The following COL6A3 variants were observed in gnomAD, a reference collection of about 807,000 sequenced individuals.
COL6A3 encodes collagen alpha-3(VI) chain.
Under a neutral mutation model 274.1 loss-of-function variants are expected in COL6A3, and 137 were observed. The observed-to-expected ratio is 0.50, with a 90% CI of 0.44 to 0.58. COL6A3 has a LOEUF of 0.58. Ranked by LOEUF, COL6A3 falls within the 20% of genes least tolerant of loss-of-function variation. The probability of loss-of-function intolerance (pLI) is 0.00; values close to 1 mark genes in which losing one functional copy is unlikely to be tolerated. For missense variants in COL6A3, 3,950 were observed against 4,124.9 expected, an observed-to-expected ratio of 0.96 and a Z score of 1.16; for synonymous variants, 1,650 against 1,650.6, an observed-to-expected ratio of 1.00 and a Z score of 0.01.
intron 39 of COL6A3, among the ~76,000 whole-genome samples, chr2:237,338,745 G>A (rs1700675885): frequency 6.6e-6 from 1 of 152,216 alleles, no homozygotes; most frequent in Non-Finnish European, 1.5e-5. Context: ...TCCAGCCTGG[G>A]CAACACAGCA....
chr2:237,326,725 C>T (rs935144056), intron 42 of COL6A3: 1 of 152,234 alleles, frequency 6.6e-6, no homozygotes, highest in Non-Finnish European at 1.5e-5. Flanking sequence ...AGAGATGCTT[C>T]TCCATCTCCT....
chr2:237,325,776 G>A lies in COL6A3; in HGVS notation c.9329-52C>T, dbSNP rs150574278. 8.9e-5 allele frequency: 135 copies of A among 1,517,836 alleles called. 1 individual carries two copies. In the East Asian group the frequency reaches 2.6e-3, roughly 29 times the overall value. The allele number at this position is 1,517,836 out of a possible 1,614,324, so 94.0% of individuals were successfully genotyped here. A position where few individuals can be genotyped will look rare whatever the true frequency, so the allele number is the denominator to read the frequency against. ...ATTAATGAGAACATGCGTGTTACTC[G>A]GCTCCCAGTGCTGGGGCTGACAGTC... On this transcript the variant is annotated intron_variant, in intron 42 of 43. Coordinates refer to ENST00000295550, the MANE Select transcript of COL6A3 (RefSeq NM_004369.4).
At position 237,347,797 on chromosome 2, in the gene COL6A3, G is replaced by A. The variant is rs376525317; in HGVS notation, c.7029+10C>T. 1.4e-4 allele frequency: 230 copies of A among 1,607,732 alleles called. 1 individual carries two copies. The highest frequency in any genetic ancestry group is 9.0e-4 in the South Asian group (81 of 89,506). Reference sequence around the variant, plus strand: ...TTCCTCACCTGCAGCCAAGGCCCACGCAAACTTACCCTTCGGCCTCTGATG... The same window carrying A: ...TTCCTCACCTGCAGCCAAGGCCCACACAAACTTACCCTTCGGCCTCTGATG... On this transcript the variant is annotated intron_variant, in intron 31 of 43. Coordinates refer to ENST00000295550, the MANE Select transcript of COL6A3 (RefSeq NM_004369.4).
intron 1 of COL6A3, among the ~76,000 whole-genome samples, chr2:237,406,548 T>C (rs533771202): frequency 6.6e-6 from 1 of 152,254 alleles, no homozygotes; most frequent in East Asian, 1.9e-4. Context: ...CAAATTTCAG[T>C]AAATTTGAGG....
intron 1 of COL6A3, among the ~76,000 whole-genome samples, chr2:237,403,712 G>A (rs1470037939): frequency 1.3e-5 from 2 of 152,054 alleles, no homozygotes; most frequent in Non-Finnish European, 2.9e-5. Flanking sequence ...TTGTGCTGTG[G>A]TTTGATAATG....
At chr2:237,406,531 A>C (rs1390137258) in intron 1 of COL6A3, among the ~76,000 whole-genome samples, 1 of 152,174 alleles carries the variant, frequency 6.6e-6, no homozygotes, top group East Asian at 1.9e-4. Flanking sequence ...ACTGTGAAAT[A>C]GAAAGTCAAA....
At chr2:237,331,970 C>A (rs1299413432) in intron 42 of COL6A3, among the ~76,000 whole-genome samples, 2 of 147,736 alleles carry the variant, frequency 1.4e-5, no homozygotes, top group East Asian at 4.1e-4. Flanking sequence ...CTCTTTATCA[C>A]AGGTAGACAG....
chr2:237,366,145 A>G (rs2106349662), intron 11 of COL6A3, 110 bp from the exon 12 acceptor site: 1 of 916,442 alleles, frequency 1.1e-6, no homozygotes, highest in Non-Finnish European at 1.8e-6. Context: ...CATCGCACTC[A>G]AGTGCAAAAT....
Position 237,364,324 on chromosome 2 carries a change from C to T in COL6A3, c.5917+26G>A, listed in dbSNP as rs376761285. On this transcript the variant is annotated intron_variant, in intron 13 of 43. Transcript: ENST00000295550. The surrounding 1 kb of genome is among the most constrained non-coding windows in gnomAD (Gnocchi z 4.6). ...CCCCGCCTCACCAGGGTTTACTTCT[C>T]ATATTTAGAAAGCCTTGGCACCTAC... is the stretch of plus-strand genomic sequence containing the variant. 4 of 1,592,226 alleles carry T rather than the reference C, an allele frequency of 2.5e-6. No homozygotes were observed. Among genetic ancestry groups the T allele is most frequent in the Admixed American group, 3.3e-5 (2 of 59,998 alleles).
intron 2 of COL6A3, among the ~76,000 whole-genome samples, chr2:237,395,883 G>C (rs1475510091): frequency 2.0e-5 from 3 of 152,166 alleles, no homozygotes; most frequent in African/African-American, 7.2e-5. Flanking sequence ...CTCATTTCCA[G>C]ATGAACCCAG....
chr2:237,396,728 T>C lies in COL6A3; in HGVS notation c.90A>G (p.Ala30=), dbSNP rs1299742068. ...ATCAAGGACGTTTCTGGCTCTTACC[T>C]GCTTGCTGCTGCTGGGCATGAGTTG... The part of the protein sequence containing the change: ...FPTTHAQQQQ[A]DVKNGAAADI... The change falls in exon 2 of 44, where the codon GCA becomes GCG. Residue 30 remains alanine (A), a splice_region_variant and synonymous_variant. Transcript: ENST00000295550. The C allele has an allele frequency of 5.6e-6, 9 of 1,614,000 alleles. No individual in the cohort carries two copies. Among genetic ancestry groups the C allele is most frequent in the Admixed American group, 1.7e-5 (1 of 59,998 alleles).
intron 4 of COL6A3, among the ~76,000 whole-genome samples, chr2:237,383,375 T>C (rs1348380955): frequency 2.0e-5 from 3 of 152,246 alleles, no homozygotes; most frequent in Non-Finnish European, 2.9e-5. Context: ...GTCATTGTTA[T>C]GAACATCCAT....
At chr2:237,375,126 C>G (rs1574711343) in intron 7 of COL6A3, 106 bp from the exon 8 acceptor site, 1 of 1,535,256 alleles carries the variant, frequency 6.5e-7, no homozygotes, top group Non-Finnish European at 8.9e-7. Flanking sequence ...AAGTCCAAAT[C>G]CCCGAACTTG....
chr2:237,367,742 A>G (rs2645772), intron 10 of COL6A3, among the ~76,000 whole-genome samples: 38,631 of 152,140 alleles, frequency 0.25, 5,033 homozygotes, highest in African/African-American at 0.3. Context: ...AGGAAGGACT[A>G]GGAGAAACAG....
rs1044172067 is a variant in COL6A3 at position 237,351,169 on chromosome 2, A to G, written c.6777T>C (p.Ala2259=). The change falls in exon 27 of 44, where the codon GCT becomes GCC. Residue 2259 remains alanine (A), a synonymous_variant. Coordinates refer to ENST00000295550, the MANE Select transcript of COL6A3 (RefSeq NM_004369.4). ...GPRGSGGAAG[A]PGERGRTGPL... ...GACCGGTTCTGCCTCGTTCTCCAGG[A>G]GCACCAGCGGCACCTCCGCTTCCCT... The G allele has an allele frequency of 6.2e-7, 1 of 1,614,198 alleles. No homozygotes were observed. The highest frequency in any genetic ancestry group is 2.2e-5 in the East Asian group (1 of 44,884).
chr2:237,325,442 A>G, intron 43 of COL6A3, 118 bp downstream of exon 43: 1 of 1,165,842 alleles, frequency 8.6e-7, no homozygotes, highest in Non-Finnish European at 1.3e-6. Flanking sequence ...CTGAGGATAC[A>G]CTTTATCTTC....
rs114549120 is a variant in COL6A3 at position 237,387,680 on chromosome 2, A to G, written c.1214T>C (p.Phe405Ser). Residue 405 changes from phenylalanine to serine, a missense_variant, in exon 4 of 44, where the codon TTC becomes TCC. Transcript: ENST00000295550. ...CTCCTGGAGGTCCCCAAAGCTACGGAATTCCGGGACAGTAAACACCAAGTT... is the reference window on the plus strand; with the variant it reads ...CTCCTGGAGGTCCCCAAAGCTACGGGATTCCGGGACAGTAAACACCAAGTT... ...DDNLVFTVPE[F>S]RSFGDLQEKL... The G allele has an allele frequency of 1.5e-4, 245 of 1,613,938 alleles. 2 individuals carry two copies. The African/African-American group carries it at 2.5e-3, about 16-fold the overall frequency.
In COL6A3 at chr2:237,374,672, G is replaced by T. The variant is rs201131900; in HGVS notation, c.3419C>A (p.Thr1140Lys). ...EGVPQLLIVLTADRSGDDVRN... is the reference protein window; with the variant it reads ...EGVPQLLIVLKADRSGDDVRN... ...CACATCATCCCCAGACCTGTCGGCC[G>T]TGAGGACGATCAGCAGCTGGGGCAC... Residue 1140 changes from threonine to lysine, a missense_variant, in exon 8 of 44, where the codon ACG (threonine) becomes AAG (lysine). Transcript: ENST00000295550. This position sits in a 1 kb window ranked among gnomAD's most constrained non-coding sequence, Gnocchi z 4.8. The T allele has an allele frequency of 1.2e-6, 2 of 1,613,892 alleles. No individual in the cohort carries two copies. Among genetic ancestry groups the T allele is most frequent in the East Asian group, 4.5e-5 (2 of 44,834 alleles).
Position 237,344,840 on chromosome 2 carries a change from G to A in COL6A3, c.7178C>T (p.Pro2393Leu), listed in dbSNP as rs755170918. The A allele has an allele frequency of 6.2e-7, 1 of 1,613,320 alleles. No individual in the cohort carries two copies. Among genetic ancestry groups the A allele is most frequent in the Middle Eastern group, 1.6e-4 (1 of 6,062 alleles). The change falls in exon 36 of 44, where the codon CCC (proline) becomes CTC (leucine). Residue 2393 changes from proline (P) to leucine (L), a missense_variant. Pro to Leu is a moderately conservative substitution (Grantham distance 98, BLOSUM62 -3). Transcript: ENST00000295550. This position sits in a 1 kb window ranked among gnomAD's most constrained non-coding sequence, Gnocchi z 4.8. ...TGTTGGGAAGACGGGGCACTCCAGG[G>A]GCCCTGTGGAAAGTAGAGGGTGGAG... ...IKDKCPCCYGPLECPVFPTEL... is the reference protein window; with the variant it reads ...IKDKCPCCYGLLECPVFPTEL...
Sources: gnomAD v4.1 joint callset for allele counts (sites outside exome capture counted in the v4.1 genomes callset) on GRCh38, gnomAD v4.1.1 for gene constraint, Gnocchi (gnomAD v3.1) non-coding constraint, MANE v1.5 for transcripts, NCBI Gene and HGNC (gene_info 2026-07-23, HGNC 2026-07-21) for gene names.